Variants in ABHD2 observed in about 807,000 individuals in gnomAD.
ABHD2 encodes the protein monoacylglycerol lipase ABHD2.
Under a neutral mutation model 48.1 loss-of-function variants are expected in ABHD2, and 20 were observed. The observed-to-expected ratio is 0.42, with a 90% confidence interval of 0.29 to 0.60. ABHD2 has a LOEUF of 0.60. ABHD2 is among the 20% of genes least tolerant of loss of function. ABHD2 has a pLI of 0.24. For synonymous variants in ABHD2, 209 were observed against 214.2 expected (o/e 0.98, Z 0.21); for missense variants, 405 against 550.9 (o/e 0.74, Z 2.65).
rs2049638079 is a variant in ABHD2, at chr15:89,097,878, A to G, written c.-107+9315A>G. 6.6e-6 allele frequency among the ~76,000 whole-genome samples: 1 copy of G among 152,114 alleles called. No homozygotes were observed. The highest frequency in any genetic ancestry group is 6.6e-5 in the Admixed American group (1 of 15,260). On this transcript the variant is annotated intron_variant, in intron 1 of 10. Transcript: ENST00000352732. The surrounding 1 kb of genome is among the most constrained non-coding windows in gnomAD (Gnocchi z 4.2). ...TTTTAGTCACTTAACATGGAATTAT[A>G]CATGTTAGCAAATTTCTTGTTTTTT... is the stretch of plus-strand genomic sequence containing the variant.
chr15:89,103,234 T>C (rs1408867588), intron 1 of ABHD2, among the ~76,000 whole-genome samples: 6 of 152,252 alleles, frequency 3.9e-5, no homozygotes, highest in Non-Finnish European at 8.8e-5. Flanking sequence ...GCTTTAAAAC[T>C]AACATTTTTC....
At chr15:89,065,554 G>T in the ABHD2 span, among the ~76,000 whole-genome samples, 1 of 152,118 alleles carries the variant, frequency 6.6e-6, no homozygotes. Flanking sequence ...AACAAACAAT[G>T]ATCTTAGACA....
upstream of ABHD2, among the ~76,000 whole-genome samples, chr15:89,085,699 G>A (rs1364917979): frequency 1.3e-5 from 2 of 152,138 alleles, no homozygotes; most frequent in Non-Finnish European, 2.9e-5. The surrounding 1 kb of genome is among the most constrained non-coding windows in gnomAD (Gnocchi z 4.2). Flanking sequence ...TCCTGAGATG[G>A]GAGAAAAAAG....
chr15:89,159,380 A>C (rs2050727657), intron 5 of ABHD2, among the ~76,000 whole-genome samples: 1 of 152,170 alleles, frequency 6.6e-6, no homozygotes, highest in South Asian at 2.1e-4. Context: ...CCATCTCAAA[A>C]AAAAAGGAAT....
the ABHD2 span, among the ~76,000 whole-genome samples, chr15:89,049,711 A>G: frequency 0.28 from 42,000 of 152,192 alleles, 6,162 homozygotes; most frequent in African/African-American, 0.37. Flanking sequence ...GACCCCTTGC[A>G]CTTCCCAAGT....
chr15:89,098,787 T>C (rs1305316185), intron 1 of ABHD2, among the ~76,000 whole-genome samples: 1 of 152,220 alleles, frequency 6.6e-6, no homozygotes, highest in Non-Finnish European at 1.5e-5. Context: ...AGTCTATTTA[T>C]TGACTCTACA....
Position 89,169,759 on chromosome 15 carries a change from T to C in ABHD2, c.539-6053T>C, listed in dbSNP as rs536738941. Among the ~76,000 whole-genome samples the C allele has an allele frequency of 1.6e-4, 24 of 152,306 alleles. No homozygotes were observed. In the Middle Eastern group the frequency reaches 0.014, roughly 86 times the overall value. ...CTGAGGAAATGTAAACATCTTTTTTTCCCTTATTTTTTTGCTAGATTTTAA... is the reference window on the plus strand; with the variant it reads ...CTGAGGAAATGTAAACATCTTTTTTCCCCTTATTTTTTTGCTAGATTTTAA... On this transcript the variant is annotated intron_variant, in intron 5 of 10. Coordinates refer to ENST00000352732, the MANE Select transcript of ABHD2 (RefSeq NM_152924.5).
chr15:89,165,894 GTC>G (rs942580969), intron 5 of ABHD2, among the ~76,000 whole-genome samples: 1 of 152,194 alleles, frequency 6.6e-6, no homozygotes, highest in African/African-American at 2.4e-5. Flanking sequence ...TGCTTCTTCT[GTC>G]TCTCTTTGGC....
intron 5 of ABHD2, among the ~76,000 whole-genome samples, chr15:89,172,258 A>G (rs1414406793): frequency 3.3e-5 from 5 of 152,192 alleles, no homozygotes; most frequent in Non-Finnish European, 1.5e-5. Flanking sequence ...TCATCTTGCA[A>G]AACTAAAACT....
Position 89,120,016 on chromosome 15 carries a change from C to T in ABHD2, c.194+3495C>T, listed in dbSNP as rs913430883. Reference sequence around the variant, plus strand: ...GAATATTAGTCAGTAATCCTGACCGCGGGTAGCTGGTTATGATGACATGCG... The same window carrying T: ...GAATATTAGTCAGTAATCCTGACCGTGGGTAGCTGGTTATGATGACATGCG... On this transcript the variant is annotated intron_variant, in intron 3 of 10. Coordinates refer to ENST00000352732, the MANE Select transcript of ABHD2 (RefSeq NM_152924.5). The surrounding 1 kb of genome is among the most constrained non-coding windows in gnomAD (Gnocchi z 4.2). 7.2e-5 allele frequency among the ~76,000 whole-genome samples: 11 copies of T among 152,162 alleles called. No individual in the cohort carries two copies. Among genetic ancestry groups the T allele is most frequent in the East Asian group, 3.9e-4 (2 of 5,176 alleles).
Position 89,088,866 on chromosome 15 carries a change from G to C in ABHD2, c.-107+303G>C, listed in dbSNP as rs1453860936. ...CTTTCCCCCATTGGTGCTCACTCCT[G>C]GGTCTTCAGGGGCCTGGGGAGGGGT... On this transcript the variant is annotated intron_variant, in intron 1 of 10. Coordinates refer to ENST00000352732, the MANE Select transcript of ABHD2 (RefSeq NM_152924.5). The surrounding 1 kb of genome is among the most constrained non-coding windows in gnomAD (Gnocchi z 6.8). Among the ~76,000 whole-genome samples, 1 of 152,224 alleles carries C rather than the reference G, an allele frequency of 6.6e-6. No homozygotes were observed. Among genetic ancestry groups the C allele is most frequent in the African/African-American group, 2.4e-5 (1 of 41,474 alleles).
In ABHD2 at chr15:89,201,841, G is replaced by A. The variant is rs2051469032; in HGVS notation, c.*6418G>A. On this transcript the variant is annotated 3_prime_UTR_variant, in exon 11 of 11. Coordinates refer to ENST00000352732, the MANE Select transcript of ABHD2 (RefSeq NM_152924.5). ...CAGAGCAGGGGGCGGCTTGCTCGCTGGGGGCGGGGGACGATGGCGAGAGGG... is the reference window on the plus strand; with the variant it reads ...CAGAGCAGGGGGCGGCTTGCTCGCTAGGGGCGGGGGACGATGGCGAGAGGG... 2 of 1,024,852 alleles carry A rather than the reference G, an allele frequency of 2.0e-6. No homozygotes were observed. The highest frequency in any genetic ancestry group is 2.9e-6 in the Non-Finnish European group (2 of 681,452). 63.5% of individuals were successfully genotyped at this position (1,024,852 alleles called of 1,614,324 possible). A position where few individuals can be genotyped will look rare whatever the true frequency, so the allele number is the denominator to read the frequency against.
the ABHD2 span, among the ~76,000 whole-genome samples, chr15:89,045,776 T>C: frequency 6.6e-6 from 1 of 152,262 alleles, no homozygotes; most frequent in Admixed American, 6.5e-5. Flanking sequence ...AAGTTGCTTA[T>C]CAGCTTAAGG....
chr15:89,056,742 C>G, the ABHD2 span, among the ~76,000 whole-genome samples: 1 of 152,134 alleles, frequency 6.6e-6, no homozygotes, highest in African/African-American at 2.4e-5. Flanking sequence ...CTTATTACAA[C>G]ATGACCTTGA....
chr15:89,152,361 G>A (rs973703227), intron 4 of ABHD2, among the ~76,000 whole-genome samples: 6 of 152,130 alleles, frequency 3.9e-5, no homozygotes, highest in Non-Finnish European at 5.9e-5. Flanking sequence ...TTACAGGCGT[G>A]AGCCACCGCC....
intron 1 of ABHD2, chr15:89,090,493 C>G (rs1901552429): frequency 6.6e-6 from 1 of 151,734 alleles, no homozygotes; most frequent in Non-Finnish European, 1.5e-5. Context: ...TCCCCCCACC[C>G]CCAAATTCAT....
rs293378 is a variant in ABHD2 at position 89,091,065 on chromosome 15, G to A, written c.-107+2502G>A. ...AAGCTTGAAATAAACCAGATGGCAA[G>A]TACAAGGGAATGGTCTTTTTCCTCT... On this transcript the variant is annotated intron_variant, in intron 1 of 10. Coordinates refer to ENST00000352732, the MANE Select transcript of ABHD2 (RefSeq NM_152924.5). The surrounding 1 kb of genome is among the most constrained non-coding windows in gnomAD (Gnocchi z 5.5). Among the ~76,000 whole-genome samples, 56,856 of 152,064 alleles carry A rather than the reference G, an allele frequency of 0.37. 11,301 individuals carry two copies. Among genetic ancestry groups the A allele is most frequent in the Non-Finnish European group, 0.46 (31,013 of 67,948 alleles).
intron 3 of ABHD2, among the ~76,000 whole-genome samples, chr15:89,127,726 T>TATATATATAC (rs1555428266): frequency 7.8e-5 from 11 of 141,908 alleles, no homozygotes; most frequent in African/African-American, 2.8e-4. Context: ...TATACACATA[T>TATATATATAC]ATATATATAT....
chr15:89,133,001 C>T lies in ABHD2; in HGVS notation c.194+16480C>T, dbSNP rs149776582. On this transcript the variant is annotated intron_variant, in intron 3 of 10. Coordinates refer to ENST00000352732, the MANE Select transcript of ABHD2 (RefSeq NM_152924.5). Reference sequence around the variant, plus strand: ...CAGCTTTTTGTAACTGTTCCTCTGACGGAAAGCTCCAGGGCAGCTGCATCA... The same window carrying T: ...CAGCTTTTTGTAACTGTTCCTCTGATGGAAAGCTCCAGGGCAGCTGCATCA... 4.1e-3 allele frequency among the ~76,000 whole-genome samples: 630 copies of T among 152,322 alleles called. 3 individuals are homozygous for T. Among genetic ancestry groups the T allele is most frequent in the African/African-American group, 0.015 (604 of 41,562 alleles).
Sources: gnomAD v4.1 joint callset for allele counts (sites outside exome capture counted in the v4.1 genomes callset) on GRCh38, gnomAD v4.1.1 for gene constraint, Gnocchi (gnomAD v3.1) non-coding constraint, MANE v1.5 for transcripts, NCBI Gene and HGNC (gene_info 2026-07-23, HGNC 2026-07-21) for gene names.